GCNT1: variants seen among roughly 807,000 people sequenced by gnomAD.
GCNT1 encodes glucosaminyl (N-acetyl) transferase 1.
Under a neutral mutation model 26.2 loss-of-function variants are expected in GCNT1, and 16 were observed. That is an observed-to-expected ratio of 0.61 (90% CI 0.41 to 0.93). The LOEUF (loss-of-function observed/expected upper bound fraction) is 0.93, where lower values mean the gene tolerates loss of function less well. Among genes scored for constraint, GCNT1 ranks in the 40% least tolerant of loss-of-function variants. GCNT1 has a pLI of 0.00. For synonymous variants in GCNT1, 183 were observed against 190.8 expected (o/e 0.96, Z 0.34); for missense variants, 477 against 526.7 (o/e 0.91, Z 0.92).
At chr9:76,473,651 A>G (rs2131607171) in intron 2 of GCNT1, among the ~76,000 whole-genome samples, 1 of 152,350 alleles carries the variant, frequency 6.6e-6, no homozygotes, top group African/African-American at 2.4e-5. Flanking sequence ...TTTTTTAAAA[A>G]AACAACAAAA....
chr9:76,458,551 G>C (rs1823801050), upstream of GCNT1, among the ~76,000 whole-genome samples: 1 of 152,134 alleles, frequency 6.6e-6, no homozygotes, highest in Non-Finnish European at 1.5e-5. Flanking sequence ...AAAATCCAAC[G>C]AAAGAAGACA....
At chr9:76,470,813 C>T (rs1411348706) in intron 2 of GCNT1, among the ~76,000 whole-genome samples, 5 of 152,036 alleles carry the variant, frequency 3.3e-5, no homozygotes, top group South Asian at 4.2e-4. Context: ...AATTTGCAGA[C>T]GTCTTCTGGT....
chr9:76,401,599 G>A, the GCNT1 span, among the ~76,000 whole-genome samples: 9 of 151,408 alleles, frequency 5.9e-5, no homozygotes, highest in Admixed American at 2.6e-4. Context: ...GGGACCCCCT[G>A]TAACAAAAAA....
chr9:76,504,613 G>A lies in GCNT1; in HGVS notation c.*945G>A, dbSNP rs1825186292. The A allele has an allele frequency of 2.4e-5, 10 of 411,536 alleles. No homozygotes were observed. 25.5% of individuals were successfully genotyped at this position (411,536 alleles called of 1,614,324 possible). A position where few individuals can be genotyped will look rare whatever the true frequency, so the allele number is the denominator to read the frequency against. On this transcript the variant is annotated 3_prime_UTR_variant, in exon 4 of 4. Transcript: ENST00000376730. ...GAGTGGGAGGGGGGAGAAAAGGAAT[G>A]TATTTAAACAATTTCCGATGCCCAT...
At chr9:76,404,356 A>G in the GCNT1 span, among the ~76,000 whole-genome samples, 3 of 152,198 alleles carry the variant, frequency 2.0e-5, no homozygotes, top group African/African-American at 7.2e-5. Context: ...CTGATGTGTC[A>G]GCATGAACTA....
At chr9:76,462,363 C>T (rs767375034) in intron 2 of GCNT1, among the ~76,000 whole-genome samples, 6 of 152,306 alleles carry the variant, frequency 3.9e-5, no homozygotes, top group East Asian at 1.9e-4. Context: ...AGTGCTGTCA[C>T]GTTTCCTATC....
rs189036434 is a variant in GCNT1 at position 76,493,686 on chromosome 9, C to A, written c.-289-7230C>A. 2.0e-3 allele frequency among the ~76,000 whole-genome samples: 299 copies of A among 152,116 alleles called. 2 individuals are homozygous for A. The highest frequency in any genetic ancestry group is 6.9e-3 in the African/African-American group (287 of 41,490). The stretch of plus-strand genomic sequence containing the variant: ...GGCTCATCATTAATAGGAAGGAGAG[C>A]TATAGGGAGGCTAGGATATGGAGAT... On this transcript the variant is annotated intron_variant, in intron 2 of 3. Transcript: ENST00000376730.
intron 2 of GCNT1, among the ~76,000 whole-genome samples, chr9:76,474,194 G>T (rs7871849): frequency 2.0e-5 from 3 of 151,698 alleles, no homozygotes; most frequent in Admixed American, 6.6e-5. Context: ...TTGCAATATC[G>T]GCAAAAATAA....
rs902464123 is a variant in GCNT1 at position 76,505,368 on chromosome 9, G to T, written c.*1700G>T. 1 of 168,560 alleles carries T rather than the reference G, an allele frequency of 5.9e-6. No homozygotes were observed. Among genetic ancestry groups the T allele is most frequent in the East Asian group, 1.9e-4 (1 of 5,260 alleles). 10.4% of individuals were successfully genotyped at this position (168,560 alleles called of 1,614,324 possible). A position where few individuals can be genotyped will look rare whatever the true frequency, so the allele number is the denominator to read the frequency against. On this transcript the variant is annotated 3_prime_UTR_variant, in exon 4 of 4. Coordinates refer to ENST00000376730, the MANE Select transcript of GCNT1 (RefSeq NM_001490.5). ...ATGATTAGCATGGGAGTCTGTTGGAGCAAGAGGAACATGCTTGTTTTGAAA... is the reference window on the plus strand; with the variant it reads ...ATGATTAGCATGGGAGTCTGTTGGATCAAGAGGAACATGCTTGTTTTGAAA...
intron 1 of GCNT1, among the ~76,000 whole-genome samples, chr9:76,428,271 A>AAAAAAAAAC (rs1823284188): frequency 1.4e-5 from 2 of 139,826 alleles, no homozygotes; most frequent in Non-Finnish European, 3.1e-5. Context: ...GTCTCAAAAA[A>AAAAAAAAAC]AAAAAAAAAA....
chr9:76,504,729 T>TA lies in GCNT1; in HGVS notation c.*1062dup. The TA allele has an allele frequency of 2.4e-6, 1 of 413,516 alleles. No homozygotes were observed. Among genetic ancestry groups the TA allele is most frequent in the East Asian group, 3.6e-5 (1 of 28,086 alleles). 25.6% of individuals were successfully genotyped at this position (413,516 alleles called of 1,614,324 possible). The stretch of plus-strand genomic sequence containing the variant: ...TGTGTCCAACCTCCCAGGATTGTTT[T>TA]ATCCTAATGTCACCTGTATATTCAT... On this transcript the variant is annotated 3_prime_UTR_variant, in exon 4 of 4. Coordinates refer to ENST00000376730, the MANE Select transcript of GCNT1 (RefSeq NM_001490.5).
intron 2 of GCNT1, 81 bp downstream of exon 2, chr9:76,460,258 G>T (rs905043422): frequency 6.6e-6 from 1 of 152,284 alleles, no homozygotes; most frequent in Non-Finnish European, 1.5e-5. Context: ...ATTTCTTTCT[G>T]CAGAAAAGAG....
At position 76,428,292 on chromosome 9, in the gene GCNT1, T is replaced by TAAAAAAAAAAAAAAAAAA. The variant is rs1279001629; in HGVS notation, n.38+8416_38+8417insAAAAAAAAAAAAAAAAAA. 3.0e-3 allele frequency among the ~76,000 whole-genome samples: 254 copies of TAAAAAAAAAAAAAAAAAA among 85,870 alleles called. 16 individuals carry two copies. The highest frequency in any genetic ancestry group is 4.5e-3 in the Non-Finnish European group (174 of 38,784). The allele number at this position is 85,870 out of a possible 152,430, so 56.3% of individuals were successfully genotyped here. A position where few individuals can be genotyped will look rare whatever the true frequency, so the allele number is the denominator to read the frequency against. On this transcript the variant is annotated intron_variant and non_coding_transcript_variant, in intron 1 of 3. Coordinates refer to the GCNT1 transcript ENST00000488136. ...AAAAAAAAAAAAAAAAAAAAAAACT[T>TAAAAAAAAAAAAAAAAAA]AAAAAAAAAAAGAGAGAGAGAAATG...
the GCNT1 span, among the ~76,000 whole-genome samples, chr9:76,402,665 G>A: frequency 6.8e-6 from 1 of 148,084 alleles, no homozygotes. Context: ...AACCCATAAT[G>A]AAATGTTTAT....
the GCNT1 span, among the ~76,000 whole-genome samples, chr9:76,407,736 C>T: frequency 2.6e-5 from 4 of 152,124 alleles, no homozygotes; most frequent in Non-Finnish European, 4.4e-5. Context: ...TATTGAATTG[C>T]CAATCCTTGA....
At chr9:76,493,016 G>C (rs1824790129) in intron 2 of GCNT1, among the ~76,000 whole-genome samples, 1 of 152,154 alleles carries the variant, frequency 6.6e-6, no homozygotes, top group South Asian at 2.1e-4. Flanking sequence ...AGGATCAATT[G>C]ACCCTCGAGG....
chr9:76,505,078 A>G lies in GCNT1; in HGVS notation c.*1410A>G, dbSNP rs1019557814. The G allele has an allele frequency of 2.4e-6, 1 of 412,228 alleles. No individual in the cohort carries two copies. Among genetic ancestry groups the G allele is most frequent in the African/African-American group, 2.1e-5 (1 of 48,610 alleles). 25.5% of individuals were successfully genotyped at this position (412,228 alleles called of 1,614,324 possible). A position where few individuals can be genotyped will look rare whatever the true frequency, so the allele number is the denominator to read the frequency against. On this transcript the variant is annotated 3_prime_UTR_variant, in exon 4 of 4. Transcript: ENST00000376730. ...TACTTTTGCCATGTTGATACTGTTCAGCAAACAAGCTACCAGGAACTGTGA... is the reference window on the plus strand; with the variant it reads ...TACTTTTGCCATGTTGATACTGTTCGGCAAACAAGCTACCAGGAACTGTGA...
At chr9:76,444,032 G>T (rs1037330556) in intron 1 of GCNT1, among the ~76,000 whole-genome samples, 1 of 152,098 alleles carries the variant, frequency 6.6e-6, no homozygotes, top group African/African-American at 2.4e-5. Context: ...TTGGGTGTGT[G>T]CTTTGTGAGA....
At chr9:76,437,246 T>C (rs1421781610), upstream of GCNT1, among the ~76,000 whole-genome samples, 2 of 152,046 alleles carry the variant, frequency 1.3e-5, no homozygotes, top group Non-Finnish European at 2.9e-5. Context: ...TGGGCTGCAT[T>C]CCCAGACGGT....
Sources: gnomAD v4.1 joint callset for allele counts (sites outside exome capture counted in the v4.1 genomes callset) on GRCh38, gnomAD v4.1.1 for gene constraint, MANE v1.5 for transcripts, NCBI Gene and HGNC (gene_info 2026-07-23, HGNC 2026-07-21) for gene names.